The following ITIH5 variants were observed in gnomAD, a reference collection of about 807,000 sequenced individuals.
ITIH5 encodes inter-alpha-trypsin inhibitor heavy chain H5.
ITIH5 carries 65 observed loss-of-function variants against 77.5 expected under a neutral mutation model. The ratio of observed to expected loss-of-function variants is 0.84; its 90% CI spans 0.69 to 1.03. ITIH5 has a LOEUF of 1.03. ITIH5 is among the 50% of genes least tolerant of loss of function. The pLI is 0.00. For missense variants in ITIH5, 1,208 were observed against 1,213.1 expected (o/e 1.00, Z 0.06); for synonymous variants, 525 against 494.3 (o/e 1.06, Z -0.82).
intron 12 of ITIH5, among the ~76,000 whole-genome samples, chr10:7,567,319 T>TTTATTATTA (rs59350117): frequency 0.25 from 35,287 of 139,184 alleles, 4,733 homozygotes; most frequent in East Asian, 0.3. Flanking sequence ...TCGGACATCT[T>TTTATTATTA]TTATTATTAT....
intron 7 of ITIH5, among the ~76,000 whole-genome samples, chr10:7,592,223 T>C (rs1292814360): frequency 2.0e-5 from 3 of 152,180 alleles, no homozygotes; most frequent in Non-Finnish European, 4.4e-5. Flanking sequence ...TACCCAGCAG[T>C]GCCTGGCACA....
At chr10:7,609,071 T>C (rs948136227) in intron 7 of ITIH5, among the ~76,000 whole-genome samples, 6 of 152,244 alleles carry the variant, frequency 3.9e-5, no homozygotes, top group Non-Finnish European at 8.8e-5. Context: ...TGACCTGGGC[T>C]TGAATCCTAA....
chr10:7,585,533 C>A (rs12249665), intron 8 of ITIH5, among the ~76,000 whole-genome samples: 1,824 of 152,268 alleles, frequency 0.012, 46 homozygotes, highest in African/African-American at 0.042. Context: ...AAGGTGCGCA[C>A]GAAACACTGG....
rs532435838 is a variant in ITIH5, at chr10:7,616,689, G to T, written c.822+424C>A. Among the ~76,000 whole-genome samples, 5 of 152,082 alleles carry T rather than the reference G, an allele frequency of 3.3e-5. No individual in the cohort carries two copies. The East Asian group carries it at 7.7e-4, about 23-fold the overall frequency. On this transcript the variant is annotated intron_variant, in intron 6 of 13. Coordinates refer to ENST00000397146, the MANE Select transcript of ITIH5 (RefSeq NM_030569.7). Reference sequence around the variant, plus strand: ...CTAAAAATACAAAAATTAGTGGGGCGTGGTGGTGGGTGCCTGTAATCTCAG... The same window carrying T: ...CTAAAAATACAAAAATTAGTGGGGCTTGGTGGTGGGTGCCTGTAATCTCAG...
At chr10:7,615,631 A>G (rs1833348160) in intron 7 of ITIH5, among the ~76,000 whole-genome samples, 1 of 152,204 alleles carries the variant, frequency 6.6e-6, no homozygotes, top group Admixed American at 6.5e-5. Context: ...CAATGATTCT[A>G]TTCCACTGTT....
Position 7,616,044 on chromosome 10 carries a change from G to A in ITIH5, c.877C>T (p.Pro293Ser). Residue 293 changes from proline to serine, a missense_variant, in exon 7 of 14, where the codon CCC becomes TCC. Pro to Ser is a moderately conservative substitution (Grantham distance 74, BLOSUM62 -1). Coordinates refer to ENST00000397146, the MANE Select transcript of ITIH5 (RefSeq NM_030569.7). ...YFAPKDLPPL[P>S]KNVVFVLDSS... is the part of the protein sequence containing the mutation. ...TCAAGCACGAATACCACATTCTTGGGTAAAGGAGGAAGGTCTTTAGGAGCA... is the reference window on the plus strand; with the variant it reads ...TCAAGCACGAATACCACATTCTTGGATAAAGGAGGAAGGTCTTTAGGAGCA... 4 of 1,613,764 alleles carry A rather than the reference G, an allele frequency of 2.5e-6. No individual in the cohort carries two copies. Among genetic ancestry groups the A allele is most frequent in the Non-Finnish European group, 3.4e-6 (4 of 1,179,648 alleles).
Position 7,566,076 on chromosome 10 carries a change from G to A in ITIH5, c.2481C>T (p.Tyr827=). 6.2e-7 allele frequency: 1 copy of A among 1,614,178 alleles called. No individual in the cohort carries two copies. Among genetic ancestry groups the A allele is most frequent in the African/African-American group, 1.3e-5 (1 of 75,050 alleles). ...TGGAAAGGCCCTCGCTGTTGGCAAT[G>A]TAGAAACCCAGGTGGTGTCGCTGGA... ...APFQRHHLGF[Y]IANSEGLSSN... The change falls in exon 13 of 14, where the codon TAC becomes TAT. Residue 827 remains tyrosine (Y), a synonymous_variant. Transcript: ENST00000397146.
chr10:7,615,464 C>G (rs1036537775), intron 7 of ITIH5, among the ~76,000 whole-genome samples: 4 of 152,144 alleles, frequency 2.6e-5, no homozygotes, highest in African/African-American at 9.7e-5. Flanking sequence ...GTAAGAAAAG[C>G]ATAAATAGTC....
intron 7 of ITIH5, among the ~76,000 whole-genome samples, chr10:7,615,179 A>G (rs1045323360): frequency 6.6e-6 from 1 of 152,164 alleles, no homozygotes; most frequent in Non-Finnish European, 1.5e-5. Context: ...CCCAGAAGGC[A>G]GAGGTTGCAT....
At chr10:7,593,850 G>A (rs1466385766) in intron 7 of ITIH5, among the ~76,000 whole-genome samples, 4 of 151,896 alleles carry the variant, frequency 2.6e-5, no homozygotes, top group Non-Finnish European at 4.4e-5. Flanking sequence ...GCAGCCACCT[G>A]GCCCCACCAA....
chr10:7,629,718 C>T (rs1833682521), intron 5 of ITIH5, among the ~76,000 whole-genome samples: 1 of 152,204 alleles, frequency 6.6e-6, no homozygotes, highest in Admixed American at 6.5e-5. Context: ...TTTCCATTCA[C>T]CTGTTCAGGA....
In ITIH5 at chr10:7,569,658, T is replaced by A. The variant is rs1465707840; in HGVS notation, c.2149+10A>T. 2.5e-6 allele frequency: 4 copies of A among 1,576,396 alleles called. No individual in the cohort carries two copies. In the South Asian group the frequency reaches 4.6e-5, roughly 18 times the overall value. ...CTTGCCCAGATGCTGCAGCGGAAGG[T>A]AGAACTTACCAGAGTCCCTGTGATC... On this transcript the variant is annotated intron_variant, in intron 12 of 13. Coordinates refer to ENST00000397146, the MANE Select transcript of ITIH5 (RefSeq NM_030569.7).
rs371490784 is a variant in ITIH5, at chr10:7,616,072, G to C, written c.849C>G (p.Tyr283Ter). The change falls in exon 7 of 14, where the codon TAC becomes TAG. Residue 283 changes from tyrosine (Y) to a stop codon, truncating the protein, a stop_gained. Coordinates refer to ENST00000397146, the MANE Select transcript of ITIH5 (RefSeq NM_030569.7). LOFTEE classifies it high-confidence loss of function. ...AAGGAGGAAGGTCTTTAGGAGCAAA[G>C]TAGTGCACAAAATAGCCATTTAGAA... ...IQVLNGYFVH[Y>*]FAPKDLPPLP... 2.5e-6 allele frequency: 4 copies of C among 1,611,378 alleles called. No individual in the cohort carries two copies. In the African/African-American group the frequency reaches 5.3e-5, roughly 22 times the overall value.
At chr10:7,639,653 A>G (rs1344270825) in intron 4 of ITIH5, among the ~76,000 whole-genome samples, 1 of 152,198 alleles carries the variant, frequency 6.6e-6, no homozygotes, top group Non-Finnish European at 1.5e-5. Context: ...TGCCAAGGGG[A>G]TGAAGGCCTA....
At chr10:7,580,731 C>T (rs11594148) in intron 8 of ITIH5, among the ~76,000 whole-genome samples, 13,943 of 152,096 alleles carry the variant, frequency 0.092, 721 homozygotes, top group Middle Eastern at 0.19. Flanking sequence ...GGGCATGGAA[C>T]GAAGAGGAGG....
At chr10:7,613,760 G>A (rs552647601) in intron 7 of ITIH5, among the ~76,000 whole-genome samples, 12 of 152,184 alleles carry the variant, frequency 7.9e-5, no homozygotes, top group African/African-American at 1.4e-4. Flanking sequence ...TGTCAAGACC[G>A]AAGAGACACC....
intron 5 of ITIH5, among the ~76,000 whole-genome samples, chr10:7,636,404 A>G (rs1325510247): frequency 6.6e-6 from 1 of 152,214 alleles, no homozygotes; most frequent in African/African-American, 2.4e-5. Context: ...AGATTTTTAG[A>G]AAATGGCCCC....
intron 7 of ITIH5, among the ~76,000 whole-genome samples, chr10:7,605,028 C>T (rs1833094649): frequency 6.6e-6 from 1 of 151,948 alleles, no homozygotes; most frequent in Non-Finnish European, 1.5e-5. Flanking sequence ...CACCATGTTG[C>T]CCAGGCTGGT....
chr10:7,562,903 G>A lies in ITIH5; in HGVS notation c.*180C>T, dbSNP rs552178384. The stretch of plus-strand genomic sequence containing the variant: ...AATGACATTTGCACTCAGGCTTCCC[G>A]CCCCTACCCACCCCTACCCTTCGCC... On this transcript the variant is annotated 3_prime_UTR_variant, in exon 14 of 14. Coordinates refer to ENST00000397146, the MANE Select transcript of ITIH5 (RefSeq NM_030569.7). 2.0e-4 allele frequency: 83 copies of A among 423,922 alleles called. 1 individual carries two copies. Among genetic ancestry groups the A allele is most frequent in the South Asian group, 1.3e-3 (70 of 54,606 alleles). 26.3% of individuals were successfully genotyped at this position (423,922 alleles called of 1,614,324 possible).
Sources: allele counts gnomAD v4.1 joint callset (sites outside exome capture counted in the v4.1 genomes callset), GRCh38; gene constraint gnomAD v4.1.1; transcripts MANE v1.5; gene names NCBI Gene and HGNC (gene_info 2026-07-23, HGNC 2026-07-21).